CLGN: variants seen among roughly 807,000 people sequenced by gnomAD.
The protein encoded by CLGN is calmegin, also known as testis tissue sperm-binding protein Li 79P.
CLGN carries 62 observed loss-of-function variants against 79.1 expected under a neutral mutation model. The observed-to-expected ratio is 0.78, with a 90% confidence interval of 0.64 to 0.97. CLGN has a LOEUF of 0.97. CLGN is among the 50% of genes least tolerant of loss of function. The pLI, the probability that CLGN is intolerant of heterozygous loss-of-function variation, is 0.00. For synonymous variants in CLGN, 225 were observed against 224.7 expected (o/e 1.00, Z -0.01); for missense variants, 647 against 715.5 (o/e 0.90, Z 1.09).
In CLGN at chr4:140,398,263, CTTTTTTTTTT is replaced by C. The variant is rs1162212217; in HGVS notation, c.884+578_884+587del. On this transcript the variant is annotated intron_variant, in intron 8 of 14. Coordinates refer to ENST00000325617, the MANE Select transcript of CLGN (RefSeq NM_004362.3). ...TCTCTCATTTAAGGGCAAACATACT[CTTTTTTTTTT>C]TTTTTTTTTTTTTTGAGACAGAATC... Among the ~76,000 whole-genome samples, 12 of 86,798 alleles carry C rather than the reference CTTTTTTTTTT, an allele frequency of 1.4e-4. No homozygotes were observed. The East Asian group carries it at 2.3e-3, about 17-fold the overall frequency. The allele number at this position is 86,798 out of a possible 152,430, so 56.9% of individuals were successfully genotyped here. A position where few individuals can be genotyped will look rare whatever the true frequency, so the allele number is the denominator to read the frequency against.
intron 1 of CLGN, among the ~76,000 whole-genome samples, chr4:140,414,084 G>A (rs1211577342): frequency 6.6e-6 from 1 of 152,226 alleles, no homozygotes; most frequent in Non-Finnish European, 1.5e-5. Context: ...CCCCCAGCAG[G>A]GGCACACTGA....
chr4:140,422,229 C>A (rs935249177), intron 1 of CLGN, among the ~76,000 whole-genome samples: 1 of 152,110 alleles, frequency 6.6e-6, no homozygotes, highest in African/African-American at 2.4e-5. Context: ...CAAACTTATT[C>A]TTTCCCAAGA....
At chr4:140,426,834 T>C (rs1261848090) in intron 1 of CLGN, 1 of 152,248 alleles carries the variant, frequency 6.6e-6, no homozygotes, top group African/African-American at 2.4e-5. Context: ...TAAACAGGCC[T>C]GGGGCGATAA....
chr4:140,392,809 A>G, intron 11 of CLGN, 98 bp from the exon 12 acceptor site: 1 of 1,143,094 alleles, frequency 8.7e-7, no homozygotes. Context: ...GGCATTTTAC[A>G]TTAAGGAGTG....
intron 3 of CLGN, among the ~76,000 whole-genome samples, 184 bp from the exon 4 acceptor site, chr4:140,410,079 C>T (rs533668100): frequency 6.6e-6 from 1 of 151,994 alleles, no homozygotes; most frequent in African/African-American, 2.4e-5. Context: ...AGAGTTAAAC[C>T]GAATTTGGAA....
intron 1 of CLGN, 32 bp from the exon 2 acceptor site, chr4:140,413,119 A>T (rs756580687): frequency 6.4e-7 from 1 of 1,552,498 alleles, no homozygotes; most frequent in Non-Finnish European, 8.8e-7. Context: ...GTGAAAATAA[A>T]ACAAAATTGT....
chr4:140,401,569 A>C (rs1239359243), intron 6 of CLGN, among the ~76,000 whole-genome samples: 1 of 152,174 alleles, frequency 6.6e-6, no homozygotes, highest in Non-Finnish European at 1.5e-5. Flanking sequence ...AAAAGTTTTT[A>C]AAATTAGTTA....
chr4:140,397,624 A>T (rs1270611488), intron 8 of CLGN, among the ~76,000 whole-genome samples: 2 of 152,148 alleles, frequency 1.3e-5, no homozygotes, highest in Non-Finnish European at 2.9e-5. Flanking sequence ...AAGAACACTT[A>T]GGCTGGCGTG....
Position 140,393,975 on chromosome 4 carries a change from T to C in CLGN, c.1216A>G (p.Thr406Ala). Residue 406 changes from threonine (T) to alanine (A), a missense_variant, in exon 11 of 15, where the codon ACT (threonine) becomes GCT (alanine). Transcript: ENST00000325617. ...TCTAAACCAAGAGCACTGAAAGAAGTCAGAAGAAATGGATGATCATCTTCG... is the reference window on the plus strand; with the variant it reads ...TCTAAACCAAGAGCACTGAAAGAAGCCAGAAGAAATGGATGATCATCTTCG... Reference protein sequence around the residue: ...YFEDDHPFLLTSFSALGLELW... With the variant: ...YFEDDHPFLLASFSALGLELW... The C allele has an allele frequency of 3.1e-6, 5 of 1,613,674 alleles. No homozygotes were observed. The highest frequency in any genetic ancestry group is 4.2e-6 in the Non-Finnish European group (5 of 1,179,764).
chr4:140,412,217 G>A (rs372952143), intron 2 of CLGN, among the ~76,000 whole-genome samples: 9 of 152,208 alleles, frequency 5.9e-5, no homozygotes, highest in Admixed American at 3.3e-4. Context: ...CTTAATAAGA[G>A]GAAATGAAGT....
intron 8 of CLGN, among the ~76,000 whole-genome samples, chr4:140,396,901 ATATATG>A (rs1398632726): frequency 0.012 from 742 of 64,150 alleles, 12 homozygotes; most frequent in African/African-American, 0.032. Flanking sequence ...GTATATATAT[ATATATG>A]TATATATATA....
chr4:140,390,627 C>T lies in CLGN; in HGVS notation c.1752+1G>A. 6.3e-7 allele frequency: 1 copy of T among 1,578,804 alleles called. No individual in the cohort carries two copies. Among genetic ancestry groups the T allele is most frequent in the Non-Finnish European group, 8.6e-7 (1 of 1,160,766 alleles). On this transcript the variant is annotated splice_donor_variant, in intron 14 of 14. Coordinates refer to ENST00000325617, the MANE Select transcript of CLGN (RefSeq NM_004362.3). LOFTEE classifies it high-confidence loss of function. ...ATAGAAACCAGCTTATTTTCTGTTA[C>T]CTCATCCTCTGACCCAGACTTATTT...
At chr4:140,397,522 C>A (rs1026808575) in intron 8 of CLGN, among the ~76,000 whole-genome samples, 1 of 150,966 alleles carries the variant, frequency 6.6e-6, no homozygotes, top group Non-Finnish European at 1.5e-5. Flanking sequence ...TTAAAGGATT[C>A]TTGGATTTTA....
rs1220164738 is a variant in CLGN at position 140,396,058 on chromosome 4, T to A, written c.998+34A>T. On this transcript the variant is annotated intron_variant, in intron 9 of 14. Transcript: ENST00000325617. The stretch of plus-strand genomic sequence containing the variant: ...TAACAAAAATGCATGTAAGAAACAT[T>A]TGAAATCGACATTTGAAGATGAAGA... 5 of 1,610,422 alleles carry A rather than the reference T, an allele frequency of 3.1e-6. No homozygotes were observed. In the African/African-American group the frequency reaches 6.7e-5, roughly 22 times the overall value.
intron 4 of CLGN, 142 bp downstream of exon 4, chr4:140,409,695 G>T: frequency 2.2e-6 from 1 of 460,534 alleles, no homozygotes; most frequent in Non-Finnish European, 4.0e-6. Flanking sequence ...ATATTGAAGA[G>T]GGACAAGATA....
intron 14 of CLGN, among the ~76,000 whole-genome samples, 181 bp from the exon 15 acceptor site, chr4:140,389,485 C>A (rs1387485222): frequency 1.3e-5 from 2 of 151,600 alleles, no homozygotes; most frequent in African/African-American, 4.8e-5. Context: ...CGATGTATTC[C>A]AGCTCACTGA....
intron 8 of CLGN, 36 bp downstream of exon 8, chr4:140,398,815 G>A (rs2126618912): frequency 1.3e-6 from 2 of 1,564,192 alleles, no homozygotes; most frequent in Non-Finnish European, 8.8e-7. Context: ...ACCTAGTTAT[G>A]CCAGATAATG....
At position 140,409,845 on chromosome 4, in the gene CLGN, A is replaced by G. The variant is rs139698546; in HGVS notation, c.269T>C (p.Ile90Thr). The G allele has an allele frequency of 2.5e-6, 4 of 1,590,442 alleles. No individual in the cohort carries two copies. In the African/African-American group the frequency reaches 5.4e-5, roughly 21 times the overall value. ...KKDDMDEEIS[I>T]YDGRWEIEEL... ...TTAAATAAATATTTTACCATCGTAT[A>G]TTGAAATTTCCTCATCCATGTCATC... is the stretch of plus-strand genomic sequence containing the variant. The change falls in exon 4 of 15, where the codon ATA becomes ACA. Residue 90 changes from isoleucine to threonine, a missense_variant. By Grantham distance (89) the Ile-to-Thr change is moderately conservative. Transcript: ENST00000325617.
At chr4:140,402,432 T>TA (rs565126269) in intron 5 of CLGN, among the ~76,000 whole-genome samples, 18 of 150,172 alleles carry the variant, frequency 1.2e-4, no homozygotes, top group African/African-American at 4.4e-4. Context: ...CTTTATAAAC[T>TA]AAAAAAAAAT....
Sources: gnomAD v4.1 joint callset for allele counts (sites outside exome capture counted in the v4.1 genomes callset) on GRCh38, gnomAD v4.1.1 for gene constraint, MANE v1.5 for transcripts, NCBI Gene and HGNC (gene_info 2026-07-23, HGNC 2026-07-21) for gene names.